Variants in GLI3 observed in about 807,000 individuals in gnomAD.
GLI3 encodes the protein GLI family zinc finger 3, also known as transcription activator GLI3.
GLI3 carries 20 observed loss-of-function variants against 100.8 expected under a neutral mutation model. That is an observed-to-expected ratio of 0.20 (90% CI 0.14 to 0.29). The LOEUF is 0.29. Among genes scored for constraint, GLI3 ranks in the 10% least tolerant of loss-of-function variants. The probability of loss-of-function intolerance (pLI) is 1.00; values close to 1 mark genes in which losing one functional copy is unlikely to be tolerated. For synonymous variants in GLI3, 938 were observed against 860.5 expected (o/e 1.09, Z -1.58); for missense variants, 2,040 against 2,128.5 (o/e 0.96, Z 0.82).
intron 2 of GLI3, among the ~76,000 whole-genome samples, chr7:42,174,132 T>C (rs906643951): frequency 6.6e-6 from 1 of 152,158 alleles, no homozygotes; most frequent in Non-Finnish European, 1.5e-5. Context: ...AAGCCATTTA[T>C]AGTTAAAATA....
chr7:42,256,840 G>A (rs556429364), intron 1 of GLI3, among the ~76,000 whole-genome samples: 1 of 151,988 alleles, frequency 6.6e-6, no homozygotes, highest in South Asian at 2.1e-4. Flanking sequence ...TTTGATAAGG[G>A]TTATCTTCAA....
chr7:42,250,150 C>G (rs1166386538), intron 1 of GLI3, among the ~76,000 whole-genome samples: 2 of 152,108 alleles, frequency 1.3e-5, no homozygotes, highest in Non-Finnish European at 2.9e-5. Flanking sequence ...TTTTCCCTTT[C>G]CAAGTTACCC....
intron 1 of GLI3, 93 bp from the exon 2 acceptor site, chr7:42,223,388 C>G (rs1788526314): frequency 1.4e-6 from 1 of 716,374 alleles, no homozygotes; most frequent in African/African-American, 1.8e-5. Context: ...CTGAGAAAAG[C>G]CTAGAGCTTT....
intron 6 of GLI3, among the ~76,000 whole-genome samples, chr7:42,043,924 G>A (rs1562700519): frequency 6.6e-6 from 1 of 152,022 alleles, no homozygotes; most frequent in Non-Finnish European, 1.5e-5. Context: ...TGATGAATCT[G>A]AAATGTAAGC....
At chr7:42,118,375 T>C (rs1785911874) in intron 3 of GLI3, 2 of 398,548 alleles carry the variant, frequency 5.0e-6, no homozygotes, top group East Asian at 7.1e-5. Flanking sequence ...AGGTGATGGA[T>C]ACAAAGTTTA....
chr7:42,091,394 G>A (rs947825895), intron 3 of GLI3, among the ~76,000 whole-genome samples: 2 of 152,178 alleles, frequency 1.3e-5, no homozygotes, highest in Non-Finnish European at 2.9e-5. Context: ...TGCCCCAGTC[G>A]CTCAGACACT....
In GLI3 at chr7:42,122,470, A is replaced by G. The variant is rs1339838176; in HGVS notation, c.367+25756T>C. Among the ~76,000 whole-genome samples the G allele has an allele frequency of 6.0e-5, 9 of 149,506 alleles. No homozygotes were observed. In the Admixed American group the frequency reaches 6.1e-4, roughly 10 times the overall value. On this transcript the variant is annotated intron_variant, in intron 3 of 14. Transcript: ENST00000395925. ...AGAGAGAGAAGAGCTTCATACCAAT[A>G]TGGGCTCTCATGACAAAGTGCATAT...
At chr7:42,086,356 C>A (rs1279936137) in intron 3 of GLI3, among the ~76,000 whole-genome samples, 1 of 152,190 alleles carries the variant, frequency 6.6e-6, no homozygotes, top group Non-Finnish European at 1.5e-5. Context: ...AGACATTCCA[C>A]TTCCTGACAC....
At chr7:42,111,902 T>C (rs531352994) in intron 3 of GLI3, among the ~76,000 whole-genome samples, 1 of 152,182 alleles carries the variant, frequency 6.6e-6, no homozygotes, top group East Asian at 1.9e-4. Flanking sequence ...ATGGGGAATG[T>C]TAAAGCAAGA....
At chr7:42,094,702 C>A (rs908980314) in intron 3 of GLI3, among the ~76,000 whole-genome samples, 5 of 151,590 alleles carry the variant, frequency 3.3e-5, no homozygotes, top group Admixed American at 3.3e-4. Context: ...CCACTGCACT[C>A]CAGCCTGGGT....
intron 1 of GLI3, among the ~76,000 whole-genome samples, chr7:42,244,666 G>A (rs1193077756): frequency 1.3e-5 from 2 of 151,810 alleles, no homozygotes; most frequent in African/African-American, 2.4e-5. Flanking sequence ...TGGCCTTATC[G>A]GAAGGCTACA....
At position 42,163,700 on chromosome 7, in the gene GLI3, G is replaced by A. The variant is rs527634748; in HGVS notation, c.125-15232C>T. On this transcript the variant is annotated intron_variant, in intron 2 of 14. Transcript: ENST00000395925. ...CCGCCTCAGCCTCCCAAAGTGCTGG[G>A]ATTACAGGCGTGAACTACCGTGCCT... Among the ~76,000 whole-genome samples, 7 of 152,246 alleles carry A rather than the reference G, an allele frequency of 4.6e-5. No homozygotes were observed. In the South Asian group the frequency reaches 1.5e-3, roughly 32 times the overall value.
upstream of GLI3, chr7:42,237,969 C>CCCGCCCTCCG (rs1255128267): frequency 6.3e-6 from 1 of 158,768 alleles, no homozygotes; most frequent in Non-Finnish European, 1.3e-5. Flanking sequence ...GCGCTCCCTC[C>CCCGCCCTCCG]CCGCCCTCCG....
In GLI3 at chr7:42,025,452, G is replaced by T; in HGVS notation, c.1243-75C>A. 1.5e-5 allele frequency: 16 copies of T among 1,059,884 alleles called. No homozygotes were observed. The South Asian group carries it at 1.8e-4, about 12-fold the overall frequency. The allele number at this position is 1,059,884 out of a possible 1,614,324, so 65.7% of individuals were successfully genotyped here. On this transcript the variant is annotated intron_variant, in intron 8 of 14. Coordinates refer to ENST00000395925, the MANE Select transcript of GLI3 (RefSeq NM_000168.6). ...GGAGCAGTACCATAATTAAAACCTTGCCAACTCGGGACAAGCGGTCTTATT... is the reference window on the plus strand; with the variant it reads ...GGAGCAGTACCATAATTAAAACCTTTCCAACTCGGGACAAGCGGTCTTATT...
At chr7:42,007,697 T>C (rs17640264) in intron 10 of GLI3, among the ~76,000 whole-genome samples, 1,770 of 152,228 alleles carry the variant, frequency 0.012, 26 homozygotes, top group Admixed American at 0.047. Flanking sequence ...ATAGCAGGAA[T>C]GGTTACATCA....
rs142962115 is a variant in GLI3 at position 42,180,882 on chromosome 7, T to C, written c.125-32414A>G. Among the ~76,000 whole-genome samples the C allele has an allele frequency of 2.8e-3, 419 of 152,342 alleles. 4 individuals are homozygous for C. Among genetic ancestry groups the C allele is most frequent in the Non-Finnish European group, 5.3e-3 (360 of 68,030 alleles). On this transcript the variant is annotated intron_variant, in intron 2 of 14. Transcript: ENST00000395925. ...AAATCTCACATCTACTCTAAAATCCTCTGGCAAACCTGGACCTGCACAGAT... is the reference window on the plus strand; with the variant it reads ...AAATCTCACATCTACTCTAAAATCCCCTGGCAAACCTGGACCTGCACAGAT...
chr7:42,067,217 A>G (rs1227081220), intron 4 of GLI3, among the ~76,000 whole-genome samples: 2 of 152,126 alleles, frequency 1.3e-5, no homozygotes, highest in East Asian at 3.9e-4. Flanking sequence ...TTACAATTCT[A>G]AATTTGTTCC....
chr7:42,040,863 C>T (rs1338112480), intron 6 of GLI3, among the ~76,000 whole-genome samples: 3 of 152,142 alleles, frequency 2.0e-5, no homozygotes, highest in African/African-American at 7.2e-5. Context: ...CATCTGAAGA[C>T]ATTCTGGTTT....
At chr7:42,255,044 T>A (rs1274596178) in intron 1 of GLI3, among the ~76,000 whole-genome samples, 1 of 151,890 alleles carries the variant, frequency 6.6e-6, no homozygotes, top group African/African-American at 2.4e-5. Context: ...TGCCTATTTA[T>A]CTCTCTCTTA....
Sources: allele counts gnomAD v4.1 joint callset (sites outside exome capture counted in the v4.1 genomes callset), GRCh38; gene constraint gnomAD v4.1.1; transcripts MANE v1.5; gene names NCBI Gene and HGNC (gene_info 2026-07-23, HGNC 2026-07-21).